IPO5: variants seen among roughly 807,000 people sequenced by gnomAD.
IPO5 encodes the protein importin 5, also known as importin-5.
In IPO5, 18 loss-of-function variants were observed where a neutral mutation model predicts 143.3. The ratio of observed to expected loss-of-function variants is 0.13; its 90% CI spans 0.09 to 0.19. The LOEUF is 0.19. Among genes scored for constraint, IPO5 ranks in the 10% least tolerant of loss-of-function variants. The pLI is 1.00. For synonymous variants in IPO5, 477 were observed against 465.7 expected (o/e 1.02, Z -0.31); for missense variants, 1,013 against 1,336.9 (o/e 0.76, Z 3.78).
chr13:97,993,284 T>C (rs1289717247), intron 11 of IPO5, 59 bp downstream of exon 11: 1 of 1,400,876 alleles, frequency 7.1e-7, no homozygotes, highest in Non-Finnish European at 1.0e-6. Context: ...TGGATAAATT[T>C]GCTGAGGGTT....
chr13:98,021,275 T>C (rs1890468833), intron 28 of IPO5, 142 bp downstream of exon 28: 1 of 648,394 alleles, frequency 1.5e-6, no homozygotes, highest in Non-Finnish European at 2.5e-6. Flanking sequence ...AAGCCTCAAA[T>C]GGATTATACT....
chr13:97,990,559 AATCATAATTAT>A, intron 9 of IPO5, 22 bp downstream of exon 9: 1 of 1,303,132 alleles, frequency 7.7e-7, no homozygotes, highest in East Asian at 2.3e-5. Flanking sequence ...ATATAGAATA[AATCATAATTAT>A]ATCTTATTTG....
At chr13:97,966,365 C>T (rs1222858284) in intron 2 of IPO5, among the ~76,000 whole-genome samples, 2 of 152,052 alleles carry the variant, frequency 1.3e-5, no homozygotes, top group Non-Finnish European at 2.9e-5. Context: ...CTGTGAAAAG[C>T]TTATCCTGCA....
intron 4 of IPO5, chr13:97,981,128 T>G: frequency 2.7e-6 from 1 of 367,226 alleles, no homozygotes; most frequent in South Asian, 2.1e-5. Flanking sequence ...GTGAATACTT[T>G]TTGGCACAGT....
chr13:97,997,763 G>A (rs1461133252), intron 12 of IPO5, 145 bp downstream of exon 12: 1 of 409,350 alleles, frequency 2.4e-6, no homozygotes, highest in Non-Finnish European at 4.5e-6. Flanking sequence ...TTATTGCTGT[G>A]TCACATGTTA....
At chr13:97,978,618 C>T (rs941683619) in intron 4 of IPO5, among the ~76,000 whole-genome samples, 2 of 151,960 alleles carry the variant, frequency 1.3e-5, no homozygotes, top group Non-Finnish European at 2.9e-5. Flanking sequence ...GATAATTTTT[C>T]GCCAAAATAA....
chr13:97,964,345 T>C (rs1018878374), intron 2 of IPO5, among the ~76,000 whole-genome samples: 1 of 152,130 alleles, frequency 6.6e-6, no homozygotes, highest in African/African-American at 2.4e-5. Flanking sequence ...TTTAAGTCTT[T>C]AATCCATCTT....
In IPO5 at chr13:98,000,575, G is replaced by A. The variant is rs756899201; in HGVS notation, c.1038G>A (p.Met346Ile). The A allele has an allele frequency of 6.2e-7, 1 of 1,614,154 alleles. No individual in the cohort carries two copies. The highest frequency in any genetic ancestry group is 8.5e-7 in the Non-Finnish European group (1 of 1,180,002). ...AVAGESALDR[M>I]ACGLGGKLVL... ...CAGGCGAGAGTGCTCTAGATCGAAT[G>A]GCTTGCGGACTTGGTGGAAAGCTCG... Residue 346 changes from methionine (M) to isoleucine (I), a missense_variant, in exon 13 of 29, where the codon ATG becomes ATA. Coordinates refer to ENST00000651721, the MANE Select transcript of IPO5 (RefSeq NM_002271.6).
In IPO5 at chr13:98,006,298, A is replaced by G. The variant is rs1320891397; in HGVS notation, c.1666A>G (p.Lys556Glu). 1 of 1,612,870 alleles carries G rather than the reference A, an allele frequency of 6.2e-7. No individual in the cohort carries two copies. The highest frequency in any genetic ancestry group is 1.7e-5 in the Admixed American group (1 of 59,936). The change falls in exon 17 of 29, where the codon AAA becomes GAA. Residue 556 changes from lysine (K) to glutamate (E), a missense_variant. Lys to Glu is a moderately conservative substitution (Grantham distance 56). Transcript: ENST00000651721. Reference protein sequence around the residue: ...VQKELRLLRGKTIECISLIGL... With the variant: ...VQKELRLLRGETIECISLIGL... ...AAAAGAACTGAGACTTCTGAGAGGA[A>G]AAACTATTGAATGCATTAGCCTCAT... is the stretch of plus-strand genomic sequence containing the variant.
At chr13:97,986,346 C>G (rs912556832) in intron 6 of IPO5, among the ~76,000 whole-genome samples, 1 of 151,532 alleles carries the variant, frequency 6.6e-6, no homozygotes, top group African/African-American at 2.4e-5. Flanking sequence ...CGTAGCTATA[C>G]TATGTATATA....
intron 2 of IPO5, among the ~76,000 whole-genome samples, chr13:97,964,604 A>C (rs150820938): frequency 0.015 from 2,240 of 150,428 alleles, 24 homozygotes; most frequent in Non-Finnish European, 0.023. Context: ...CACCCAGCTA[A>C]TTTTTTTTTG....
chr13:97,984,341 G>A (rs1291009564), intron 5 of IPO5, among the ~76,000 whole-genome samples: 2 of 152,138 alleles, frequency 1.3e-5, no homozygotes, highest in African/African-American at 4.8e-5. Context: ...GTGCAAGTTA[G>A]TAAACAAATT....
chr13:97,964,705 TC>T (rs930308202), intron 2 of IPO5, among the ~76,000 whole-genome samples: 1 of 151,838 alleles, frequency 6.6e-6, no homozygotes, highest in Non-Finnish European at 1.5e-5. Context: ...CGCCTCAGCC[TC>T]CCAAAGTGCT....
intron 2 of IPO5, among the ~76,000 whole-genome samples, chr13:97,964,307 T>C (rs1885124251): frequency 6.6e-6 from 1 of 152,156 alleles, no homozygotes; most frequent in Admixed American, 6.5e-5. Flanking sequence ...GGTTTTCTTC[T>C]AGGGTTTTCA....
In IPO5 at chr13:98,022,202, C is replaced by T. The variant is rs1007549068; in HGVS notation, c.*380C>T. ...ATGTGTGTTCACACAAATTGCTCTGCATTCAGTGTTCATTGTGAATTGGGA... is the reference window on the plus strand; with the variant it reads ...ATGTGTGTTCACACAAATTGCTCTGTATTCAGTGTTCATTGTGAATTGGGA... On this transcript the variant is annotated 3_prime_UTR_variant, in exon 29 of 29. Coordinates refer to ENST00000651721, the MANE Select transcript of IPO5 (RefSeq NM_002271.6). 1 of 157,438 alleles carries T rather than the reference C, an allele frequency of 6.4e-6. No homozygotes were observed. Among genetic ancestry groups the T allele is most frequent in the Admixed American group, 6.4e-5 (1 of 15,554 alleles). 9.8% of individuals were successfully genotyped at this position (157,438 alleles called of 1,614,324 possible).
chr13:98,001,495 C>T (rs556183838), intron 13 of IPO5, among the ~76,000 whole-genome samples: 42 of 152,032 alleles, frequency 2.8e-4, no homozygotes, highest in African/African-American at 9.6e-4. Flanking sequence ...CCAGCTATTT[C>T]GAGACAGAAT....
At chr13:97,995,663 G>A (rs1247178460) in intron 11 of IPO5, among the ~76,000 whole-genome samples, 1 of 152,096 alleles carries the variant, frequency 6.6e-6, no homozygotes, top group African/African-American at 2.4e-5. Flanking sequence ...GGCCGAGGCA[G>A]GAGAATGGCG....
chr13:98,012,364 C>T (rs757314245), intron 21 of IPO5, 22 bp downstream of exon 21: 14 of 1,297,346 alleles, frequency 1.1e-5, no homozygotes, highest in Non-Finnish European at 1.5e-5. Flanking sequence ...CTTCTGAATA[C>T]AAAACATGTC....
At chr13:97,969,907 C>T (rs1594028224) in intron 3 of IPO5, 77 bp downstream of exon 3, 1 of 1,156,886 alleles carries the variant, frequency 8.6e-7, no homozygotes, top group Non-Finnish European at 1.3e-6. Flanking sequence ...CCATGTTGCC[C>T]AGGCTGGTCT....
Sources: allele counts gnomAD v4.1 joint callset (sites outside exome capture counted in the v4.1 genomes callset), GRCh38; gene constraint gnomAD v4.1.1; transcripts MANE v1.5; gene names NCBI Gene and HGNC (gene_info 2026-07-23, HGNC 2026-07-21).